The following TFEC variants were observed in gnomAD, a reference collection of about 807,000 sequenced individuals.
The protein encoded by TFEC is transcription factor EC.
A neutral mutation model predicts 41.6 loss-of-function variants in TFEC; 31 were observed. The ratio of observed to expected loss-of-function variants is 0.74; its 90% CI spans 0.56 to 1.01. TFEC has a LOEUF of 1.01. Ranked by LOEUF, TFEC falls within the 50% of genes least tolerant of loss-of-function variation. The pLI, the probability that TFEC is intolerant of heterozygous loss-of-function variation, is 0.00. For missense variants in TFEC, 402 were observed against 404.1 expected (o/e 0.99, Z 0.04); for synonymous variants, 143 against 140.6 (o/e 1.02, Z -0.12).
At chr7:116,040,011 A>T (rs2130919072) in intron 3 of TFEC, among the ~76,000 whole-genome samples, 1 of 152,248 alleles carries the variant, frequency 6.6e-6, no homozygotes, top group East Asian at 1.9e-4. Flanking sequence ...TAATCTAAAA[A>T]ATCTAGATGT....
chr7:116,057,308 GC>G (rs1334158164), intron 3 of TFEC, among the ~76,000 whole-genome samples: 1 of 151,898 alleles, frequency 6.6e-6, no homozygotes, highest in African/African-American at 2.4e-5. Flanking sequence ...GATTCAAGAA[GC>G]TAAATTAACT....
chr7:115,950,972 G>T, intron 5 of TFEC, 23 bp from the exon 6 acceptor site: 1 of 1,458,150 alleles, frequency 6.9e-7, no homozygotes, highest in Non-Finnish European at 9.5e-7. Context: ...AAATATTATT[G>T]ATTATTCTCA....
intron 2 of TFEC, among the ~76,000 whole-genome samples, chr7:115,978,202 A>T (rs1442380664): frequency 6.6e-6 from 1 of 152,172 alleles, no homozygotes; most frequent in African/African-American, 2.4e-5. Context: ...AAGGTTAAAA[A>T]AGGTATCATA....
intron 1 of TFEC, among the ~76,000 whole-genome samples, chr7:116,149,786 C>T (rs911739161): frequency 6.2e-4 from 94 of 152,120 alleles, no homozygotes; most frequent in African/African-American, 2.3e-3. Context: ...CTCCTGCATT[C>T]CACATCCAAC....
intron 3 of TFEC, among the ~76,000 whole-genome samples, chr7:116,098,584 A>C (rs1245240194): frequency 6.6e-6 from 1 of 152,136 alleles, no homozygotes; most frequent in Non-Finnish European, 1.5e-5. Context: ...AAACTGAGAG[A>C]ACTGAAAGAA....
At position 115,964,376 on chromosome 7, in the gene TFEC, C is replaced by T. The variant is rs528609059; in HGVS notation, c.268-7583G>A. 9.9e-5 allele frequency among the ~76,000 whole-genome samples: 15 copies of T among 151,480 alleles called. No homozygotes were observed. In the East Asian group the frequency reaches 1.9e-3, roughly 20 times the overall value. On this transcript the variant is annotated intron_variant, in intron 3 of 7. Transcript: ENST00000265440. ...GCTTCCAAACAACTTTAAAGGCAAG[C>T]GGGAATATGTCCCAATTCACTGACA...
At chr7:116,029,157 G>A (rs1044254741) in intron 1 of TFEC, among the ~76,000 whole-genome samples, 6 of 151,054 alleles carry the variant, frequency 4.0e-5, no homozygotes, top group African/African-American at 1.5e-4. Context: ...TACTGTTTTG[G>A]AATAAAATTG....
At chr7:115,942,319 A>T (rs905772250) in intron 6 of TFEC, among the ~76,000 whole-genome samples, 2 of 151,972 alleles carry the variant, frequency 1.3e-5, no homozygotes, top group Non-Finnish European at 2.9e-5. Context: ...TACAGTTTTT[A>T]TATTTTTAGT....
Position 116,107,468 on chromosome 7 carries a change from A to T in TFEC, c.198+3240T>A, listed in dbSNP as rs1267492527. On this transcript the variant is annotated intron_variant, in intron 3 of 8. Coordinates refer to the TFEC transcript ENST00000484212. ...TTTTCCTTGATGGCAAGCTGTGAAGATGTGAGCCTGGAGGGACTGAAGCCT... is the reference window on the plus strand; with the variant it reads ...TTTTCCTTGATGGCAAGCTGTGAAGTTGTGAGCCTGGAGGGACTGAAGCCT... Among the ~76,000 whole-genome samples the T allele has an allele frequency of 4.6e-5, 7 of 152,304 alleles. No individual in the cohort carries two copies. The South Asian group carries it at 6.2e-4, about 14-fold the overall frequency.
intron 1 of TFEC, among the ~76,000 whole-genome samples, chr7:116,158,573 T>C (rs1009293470): frequency 6.1e-4 from 93 of 152,088 alleles, no homozygotes; most frequent in African/African-American, 2.2e-3. Context: ...ATTCTCAAAA[T>C]AGCGAAAAGT....
intron 3 of TFEC, among the ~76,000 whole-genome samples, chr7:116,056,446 G>C (rs1302341899): frequency 6.6e-6 from 1 of 152,066 alleles, no homozygotes; most frequent in Non-Finnish European, 1.5e-5. Flanking sequence ...TACATGTGAG[G>C]AAAATACTGA....
intron 1 of TFEC, among the ~76,000 whole-genome samples, chr7:116,011,295 T>C (rs900124377): frequency 1.3e-5 from 2 of 152,146 alleles, no homozygotes; most frequent in Non-Finnish European, 1.5e-5. Context: ...ATTGAGTAAA[T>C]AGCACGTGGA....
intron 1 of TFEC, among the ~76,000 whole-genome samples, chr7:116,124,949 A>G (rs1016897550): frequency 6.6e-6 from 1 of 152,192 alleles, no homozygotes; most frequent in Non-Finnish European, 1.5e-5. Flanking sequence ...ATCCACATGT[A>G]TTCAATAGAT....
At chr7:116,073,196 G>A (rs1796872285) in intron 3 of TFEC, among the ~76,000 whole-genome samples, 1 of 151,440 alleles carries the variant, frequency 6.6e-6, no homozygotes, top group Non-Finnish European at 1.5e-5. Flanking sequence ...AGTAAGGAAT[G>A]GGCAATCCAA....
At chr7:116,086,405 C>T (rs187703536) in intron 3 of TFEC, among the ~76,000 whole-genome samples, 12 of 151,976 alleles carry the variant, frequency 7.9e-5, no homozygotes, top group Admixed American at 3.9e-4. Flanking sequence ...TTGTTCTTAT[C>T]CTCATTATCA....
intron 3 of TFEC, among the ~76,000 whole-genome samples, chr7:115,964,166 A>C (rs1275511261): frequency 6.6e-6 from 1 of 151,652 alleles, no homozygotes; most frequent in Non-Finnish European, 1.5e-5. Flanking sequence ...ATTTTCTAGA[A>C]AAATATTACT....
At chr7:116,059,329 C>T (rs1796499747) in intron 3 of TFEC, among the ~76,000 whole-genome samples, 1 of 151,748 alleles carries the variant, frequency 6.6e-6, no homozygotes, top group Non-Finnish European at 1.5e-5. Context: ...TAATCTATAC[C>T]TGTTAAATAA....
intron 3 of TFEC, among the ~76,000 whole-genome samples, chr7:116,044,196 A>C (rs1349795729): frequency 6.6e-6 from 1 of 152,168 alleles, no homozygotes; most frequent in Non-Finnish European, 1.5e-5. Flanking sequence ...GAAAGGCAGG[A>C]GTGGGATCCA....
intron 1 of TFEC, among the ~76,000 whole-genome samples, chr7:116,125,812 T>A (rs998931735): frequency 6.6e-6 from 1 of 152,176 alleles, no homozygotes; most frequent in African/African-American, 2.4e-5. Flanking sequence ...ATTTGCAGCT[T>A]GAAGTGCCTT....
Sources: allele counts gnomAD v4.1 joint callset (sites outside exome capture counted in the v4.1 genomes callset), GRCh38; gene constraint gnomAD v4.1.1; transcripts MANE v1.5; gene names NCBI Gene and HGNC (gene_info 2026-07-23, HGNC 2026-07-21).